Variants in RUSC2 observed in about 807,000 individuals in gnomAD.
RUSC2 encodes RUN and SH3 domain containing 2, also known as AP-4 complex accessory subunit RUSC2.
Under a neutral mutation model 122.2 loss-of-function variants are expected in RUSC2, and 34 were observed. The observed-to-expected ratio is 0.28, with a 90% CI of 0.21 to 0.37. The LOEUF is 0.37. RUSC2 is among the 10% of genes least tolerant of loss of function. RUSC2 has a pLI of 1.00. For synonymous variants in RUSC2, 784 were observed against 790.0 expected, an observed-to-expected ratio of 0.99 and a Z score of 0.13; for missense variants, 1,747 against 1,952.4, an observed-to-expected ratio of 0.89 and a Z score of 1.98.
chr9:35,502,334 G>T (rs1820832232), intron 1 of RUSC2, among the ~76,000 whole-genome samples: 1 of 152,090 alleles, frequency 6.6e-6, no homozygotes, highest in Admixed American at 6.6e-5. Context: ...CCCAAAAATT[G>T]AAAGTCAAAT....
rs537387313 is a variant in RUSC2 at position 35,560,248 on chromosome 9, A to G, written c.3608A>G (p.His1203Arg). The change falls in exon 10 of 12, where the codon CAC (histidine) becomes CGC (arginine). Residue 1203 changes from histidine (H) to arginine (R), a missense_variant. Coordinates refer to ENST00000361226, the MANE Select transcript of RUSC2 (RefSeq NM_014806.5). The stretch of plus-strand genomic sequence containing the variant: ...TCCCAGGACCTGCTGCTGTCTGCCC[A>G]CTCCACGCTGCAGCTGGCCCGGGCC... ...RVSQDLLLSA[H>R]STLQLARARG... is the part of the protein sequence containing the mutation. 4 of 1,596,392 alleles carry G rather than the reference A, an allele frequency of 2.5e-6. No individual in the cohort carries two copies. Among genetic ancestry groups the G allele is most frequent in the Non-Finnish European group, 3.4e-6 (4 of 1,172,854 alleles).
At position 35,559,213 on chromosome 9, in the gene RUSC2, T is replaced by C. The variant is rs1008367044; in HGVS notation, c.3342-13T>C. On this transcript the variant is annotated splice_polypyrimidine_tract_variant and intron_variant, in intron 8 of 11. Transcript: ENST00000361226. ...CACACAAGACTCAACTCTCTTCACC[T>C]GTCTCCCTACAGCATCCGGTCCCTG... 1.4e-5 allele frequency: 23 copies of C among 1,609,772 alleles called. No homozygotes were observed. Among genetic ancestry groups the C allele is most frequent in the Non-Finnish European group, 1.8e-5 (21 of 1,176,134 alleles).
intron 1 of RUSC2, among the ~76,000 whole-genome samples, chr9:35,508,695 A>G (rs1440175608): frequency 6.6e-6 from 1 of 152,152 alleles, no homozygotes; most frequent in African/African-American, 2.4e-5. Flanking sequence ...CCCTGATGCT[A>G]CTCCATTCCC....
chr9:35,547,126 T>C lies in RUSC2; in HGVS notation c.605T>C (p.Leu202Pro), dbSNP rs1409874143. 6.2e-7 allele frequency: 1 copy of C among 1,614,072 alleles called. No individual in the cohort carries two copies. The highest frequency in any genetic ancestry group is 8.5e-7 in the Non-Finnish European group (1 of 1,179,988). The change falls in exon 2 of 12, where the codon CTG becomes CCG. Residue 202 changes from leucine to proline, a missense_variant. Coordinates refer to ENST00000361226, the MANE Select transcript of RUSC2 (RefSeq NM_014806.5). The surrounding 1 kb of genome is among the most constrained non-coding windows in gnomAD (Gnocchi z 4.6). ...RPELEAETME[L>P]DECGGPGGSG... ...GAGCTGGAAGCAGAGACTATGGAGC[T>C]GGATGAGTGTGGGGGACCTGGTGGG... is the stretch of plus-strand genomic sequence containing the variant.
At chr9:35,518,573 T>C (rs1821151933) in intron 1 of RUSC2, among the ~76,000 whole-genome samples, 1 of 152,186 alleles carries the variant, frequency 6.6e-6, no homozygotes, top group Admixed American at 6.5e-5. Flanking sequence ...ATAAAGTCCC[T>C]AGGACCCCAG....
chr9:35,560,768 C>T lies in RUSC2; in HGVS notation c.4128C>T (p.Ala1376=), dbSNP rs1822139263. 2.0e-6 allele frequency: 3 copies of T among 1,538,006 alleles called. No individual in the cohort carries two copies. Among genetic ancestry groups the T allele is most frequent in the Non-Finnish European group, 2.6e-6 (3 of 1,145,358 alleles). The change falls in exon 10 of 12, where the codon GCC becomes GCT. Residue 1376 remains alanine, a synonymous_variant. Coordinates refer to ENST00000361226, the MANE Select transcript of RUSC2 (RefSeq NM_014806.5). ...AASPAENEEG[A]SEPSPGGIKW... is the part of the protein sequence containing the mutation. ...CGCCAGCAGAAAATGAGGAAGGGGC[C>T]TCAGAGCCTTCACCTGGAGGCATCA...
rs763232197 is a variant in RUSC2, at chr9:35,548,072, G to A, written c.1551G>A (p.Met517Ile). The A allele has an allele frequency of 5.6e-6, 9 of 1,613,400 alleles. No homozygotes were observed. Among genetic ancestry groups the A allele is most frequent in the Non-Finnish European group, 7.6e-6 (9 of 1,180,050 alleles). The change falls in exon 2 of 12, where the codon ATG becomes ATA. Residue 517 changes from methionine (M) to isoleucine (I), a missense_variant. Transcript: ENST00000361226. This position sits in a 1 kb window ranked among gnomAD's most constrained non-coding sequence, Gnocchi z 4.5. Reference sequence around the variant, plus strand: ...TCCGCCTGGGCTCGCTGGAACGTATGTTGAGTTGCCCAGTGCGCTTGAGTG... The same window carrying A: ...TCCGCCTGGGCTCGCTGGAACGTATATTGAGTTGCCCAGTGCGCTTGAGTG... ...PPVRLGSLER[M>I]LSCPVRLSEG... is the part of the protein sequence containing the mutation.
At chr9:35,543,880 T>A (rs1228221577) in intron 1 of RUSC2, among the ~76,000 whole-genome samples, 1 of 152,226 alleles carries the variant, frequency 6.6e-6, no homozygotes, top group African/African-American at 2.4e-5. Flanking sequence ...TGTGCCCAAT[T>A]TTTTGGCTAC....
rs144253256 is a variant in RUSC2, at chr9:35,555,543, C to A, written c.2498C>A (p.Pro833Gln). The A allele has an allele frequency of 6.2e-7, 1 of 1,614,086 alleles. No homozygotes were observed. Among genetic ancestry groups the A allele is most frequent in the Middle Eastern group, 1.6e-4 (1 of 6,062 alleles). Residue 833 changes from proline to glutamine, a missense_variant, in exon 3 of 12, where the codon CCG becomes CAG. By Grantham distance (76) the Pro-to-Gln change is moderately conservative. Transcript: ENST00000361226. The surrounding 1 kb of genome is among the most constrained non-coding windows in gnomAD (Gnocchi z 4.6). ...SAVRPATSQQ[P>Q]QKEDQKILTL... ...GTCCGGCCTGCCACCTCCCAGCAGC[C>A]GCAGAAGGAGGATCAGAAGATACTG...
chr9:35,494,365 G>A (rs1328079611), intron 1 of RUSC2, among the ~76,000 whole-genome samples: 1 of 152,142 alleles, frequency 6.6e-6, no homozygotes, highest in Non-Finnish European at 1.5e-5. Flanking sequence ...GCAGGAGGCT[G>A]AGGCAGGAGA....
rs1374438065 is a variant in RUSC2 at position 35,547,828 on chromosome 9, A to ACCCAGG, written c.1311_1316dup (p.Gly438_Pro439dup). On this transcript the variant is annotated inframe_insertion, in exon 2 of 12. Coordinates refer to ENST00000361226, the MANE Select transcript of RUSC2 (RefSeq NM_014806.5). The surrounding 1 kb of genome is among the most constrained non-coding windows in gnomAD (Gnocchi z 4.6). ...AGTCCCCCACCAGGCCCTGGCCCAG[A>ACCCAGG]CCCAGGCCCCAGCCAGCCCTCTGAG... 1 of 1,614,032 alleles carries ACCCAGG rather than the reference A, an allele frequency of 6.2e-7. No homozygotes were observed. The highest frequency in any genetic ancestry group is 8.5e-7 in the Non-Finnish European group (1 of 1,180,046).
Position 35,548,070 on chromosome 9 carries a change from A to G in RUSC2, c.1549A>G (p.Met517Val), listed in dbSNP as rs1313370637. 1.2e-6 allele frequency: 2 copies of G among 1,613,368 alleles called. No individual in the cohort carries two copies. ...TGTCCGCCTGGGCTCGCTGGAACGTATGTTGAGTTGCCCAGTGCGCTTGAG... is the reference window on the plus strand; with the variant it reads ...TGTCCGCCTGGGCTCGCTGGAACGTGTGTTGAGTTGCCCAGTGCGCTTGAG... ...PPVRLGSLER[M>V]LSCPVRLSEG... Residue 517 changes from methionine (M) to valine (V), a missense_variant, in exon 2 of 12, where the codon ATG (methionine) becomes GTG (valine). Transcript: ENST00000361226. This position sits in a 1 kb window ranked among gnomAD's most constrained non-coding sequence, Gnocchi z 4.5.
intron 1 of RUSC2, among the ~76,000 whole-genome samples, chr9:35,510,164 A>T (rs1362995258): frequency 6.6e-6 from 1 of 152,250 alleles, no homozygotes; most frequent in Non-Finnish European, 1.5e-5. Context: ...GAGCTTAACC[A>T]AGAGTATGTT....
At chr9:35,512,939 G>A (rs1697839395) in intron 1 of RUSC2, among the ~76,000 whole-genome samples, 1 of 152,112 alleles carries the variant, frequency 6.6e-6, no homozygotes, top group Non-Finnish European at 1.5e-5. Context: ...AATGCATATT[G>A]ACCATTTCAC....
chr9:35,495,257 A>T (rs1442719858), intron 1 of RUSC2, among the ~76,000 whole-genome samples: 4 of 108,916 alleles, frequency 3.7e-5, no homozygotes, highest in East Asian at 5.2e-4. Context: ...ATAATATATA[A>T]AATATATTTT....
chr9:35,509,014 A>G, intron 1 of RUSC2, among the ~76,000 whole-genome samples: 1 of 152,140 alleles, frequency 6.6e-6, no homozygotes, highest in East Asian at 1.9e-4. Flanking sequence ...AAATTCCTAA[A>G]TTAGTCTTTA....
At position 35,555,018 on chromosome 9, in the gene RUSC2, C is replaced by A; in HGVS notation, c.2015-42C>A. On this transcript the variant is annotated intron_variant, in intron 2 of 11. Transcript: ENST00000361226. This position sits in a 1 kb window ranked among gnomAD's most constrained non-coding sequence, Gnocchi z 4.6. ...TCTGGGTTTTCTCTCATATGGGTTTCAGTGTCTGTCTACTGATTTCTTCTC... is the reference window on the plus strand; with the variant it reads ...TCTGGGTTTTCTCTCATATGGGTTTAAGTGTCTGTCTACTGATTTCTTCTC... The A allele has an allele frequency of 6.2e-7, 1 of 1,602,916 alleles. No individual in the cohort carries two copies.
In RUSC2 at chr9:35,559,399, G is replaced by A. The variant is rs1363707746; in HGVS notation, c.3388+127G>A. ...GACCACACAAGCGTTCATCCTCAGAGCCTCAGGCTTCCACCCAAGGCCTTC... is the reference window on the plus strand; with the variant it reads ...GACCACACAAGCGTTCATCCTCAGAACCTCAGGCTTCCACCCAAGGCCTTC... On this transcript the variant is annotated intron_variant, in intron 9 of 11. Transcript: ENST00000361226. The A allele has an allele frequency of 6.1e-6, 5 of 822,954 alleles. No individual in the cohort carries two copies. In the East Asian group the frequency reaches 1.3e-4, roughly 21 times the overall value. 51.0% of individuals were successfully genotyped at this position (822,954 alleles called of 1,614,324 possible). A position where few individuals can be genotyped will look rare whatever the true frequency, so the allele number is the denominator to read the frequency against.
chr9:35,517,104 A>G (rs1821123498), intron 1 of RUSC2, among the ~76,000 whole-genome samples: 1 of 152,188 alleles, frequency 6.6e-6, no homozygotes, highest in Admixed American at 6.5e-5. Flanking sequence ...AAGCTGAAAT[A>G]TTTACAGAAA....
Sources: gnomAD v4.1 joint callset for allele counts (sites outside exome capture counted in the v4.1 genomes callset) on GRCh38, gnomAD v4.1.1 for gene constraint, Gnocchi (gnomAD v3.1) non-coding constraint, MANE v1.5 for transcripts, NCBI Gene and HGNC (gene_info 2026-07-23, HGNC 2026-07-21) for gene names.